The following CIBAR1 variants were observed in gnomAD, a reference collection of about 807,000 sequenced individuals.
The protein encoded by CIBAR1 is CBY1-interacting BAR domain-containing protein 1.
In CIBAR1, 25 loss-of-function variants were observed where a neutral mutation model predicts 44.0. The observed-to-expected ratio is 0.57, with a 90% CI of 0.41 to 0.79. CIBAR1 has a LOEUF of 0.79. CIBAR1 is among the 30% of genes least tolerant of loss of function. The pLI, the probability that CIBAR1 is intolerant of heterozygous loss-of-function variation, is 0.00. For synonymous variants in CIBAR1, 115 were observed against 119.0 expected, an observed-to-expected ratio of 0.97 and a Z score of 0.22; for missense variants, 278 against 344.8, an observed-to-expected ratio of 0.81 and a Z score of 1.53.
rs1053606268 is a variant in CIBAR1 at position 93,729,760 on chromosome 8, C to T, written c.*1463C>T. 3 of 152,066 alleles carry T rather than the reference C, an allele frequency of 2.0e-5. No homozygotes were observed. The highest frequency in any genetic ancestry group is 6.6e-5 in the Admixed American group (1 of 15,260). The allele number at this position is 152,066 out of a possible 1,614,324, so 9.4% of individuals were successfully genotyped here. ...ACTATTATACAGGTAACTATGTAAC[C>T]ATGTAAGACTTAAGTACACTTAAAA... On this transcript the variant is annotated 3_prime_UTR_variant, in exon 9 of 9. Transcript: ENST00000518322.
chr8:93,714,912 G>A (rs181004303), intron 6 of CIBAR1, among the ~76,000 whole-genome samples: 2 of 152,312 alleles, frequency 1.3e-5, no homozygotes, highest in Admixed American at 1.3e-4. Flanking sequence ...AATTTGGGGA[G>A]AAACGGAACA....
chr8:93,704,948 G>C lies in CIBAR1; in HGVS notation c.370G>C (p.Ala124Pro), dbSNP rs1428539424. 1.2e-6 allele frequency: 2 copies of C among 1,611,282 alleles called. No individual in the cohort carries two copies. Among genetic ancestry groups the C allele is most frequent in the Non-Finnish European group, 1.7e-6 (2 of 1,178,868 alleles). ...KATLTARNRE[A>P]KQLTQLERTR... ...AACACTCACAGCAAGGAATCGAGAA[G>C]CTAAGCAATTAACTCAGTTAGAAAG... The change falls in exon 4 of 9, where the codon GCT (alanine) becomes CCT (proline). Residue 124 changes from alanine (A) to proline (P), a missense_variant. Physicochemically the swap from Ala to Pro is conservative, Grantham distance 27 (BLOSUM62 -1). Around this residue, in one of 3 missense-constraint regions of CIBAR1, gnomAD observed 183 missense variants for 218.6 expected, o/e 0.84. Coordinates refer to ENST00000518322, the MANE Select transcript of CIBAR1 (RefSeq NM_145269.5).
Position 93,704,894 on chromosome 8 carries a change from A to T in CIBAR1, c.331-15A>T, listed in dbSNP as rs369781450. ...AGTCAGACATTTTTACTAACAAAAAAATGCCAATTTGCAGGATGACCTCAA... is the reference window on the plus strand; with the variant it reads ...AGTCAGACATTTTTACTAACAAAAATATGCCAATTTGCAGGATGACCTCAA... On this transcript the variant is annotated splice_polypyrimidine_tract_variant and intron_variant, in intron 3 of 8. Coordinates refer to ENST00000518322, the MANE Select transcript of CIBAR1 (RefSeq NM_145269.5). The T allele has an allele frequency of 9.5e-5, 146 of 1,536,900 alleles. No individual in the cohort carries two copies. The highest frequency in any genetic ancestry group is 1.2e-4 in the Non-Finnish European group (140 of 1,138,162).
At chr8:93,706,409 G>T (rs1272321398) in intron 4 of CIBAR1, among the ~76,000 whole-genome samples, 1 of 150,074 alleles carries the variant, frequency 6.7e-6, no homozygotes, top group East Asian at 1.9e-4. Context: ...AGGCTATGGG[G>T]CAGGGTGGGT....
rs1811693930 is a variant in CIBAR1, at chr8:93,729,313, G to A, written c.*1016G>A. 6.6e-6 allele frequency: 1 copy of A among 152,070 alleles called. No homozygotes were observed. The highest frequency in any genetic ancestry group is 1.5e-5 in the Non-Finnish European group (1 of 67,968). 9.4% of individuals were successfully genotyped at this position (152,070 alleles called of 1,614,324 possible). Reference sequence around the variant, plus strand: ...CTCCTTCCTGAGAATAGTCCTAAGTGACAAAGTTGTTTCAGTACTTTTTTG... The same window carrying A: ...CTCCTTCCTGAGAATAGTCCTAAGTAACAAAGTTGTTTCAGTACTTTTTTG... On this transcript the variant is annotated 3_prime_UTR_variant, in exon 9 of 9. Coordinates refer to ENST00000518322, the MANE Select transcript of CIBAR1 (RefSeq NM_145269.5).
intron 8 of CIBAR1, 194 bp downstream of exon 8, chr8:93,726,707 A>T (rs979442523): frequency 5.1e-6 from 3 of 588,792 alleles, no homozygotes; most frequent in African/African-American, 1.9e-5. Context: ...TTATACTGTA[A>T]TTACATATTA....
At chr8:93,719,115 C>T (rs1035656526) in intron 7 of CIBAR1, among the ~76,000 whole-genome samples, 7 of 152,108 alleles carry the variant, frequency 4.6e-5, no homozygotes, top group Non-Finnish European at 8.8e-5. Flanking sequence ...ACGCCCACCT[C>T]GGCCTCCCAA....
intron 1 of CIBAR1, 82 bp from the exon 2 acceptor site, chr8:93,701,142 G>C: frequency 2.0e-6 from 3 of 1,528,368 alleles, no homozygotes; most frequent in Non-Finnish European, 2.6e-6. Flanking sequence ...GAATGCCCGG[G>C]GAATGTTTGC....
chr8:93,719,543 G>A (rs1468723968), intron 7 of CIBAR1: 3 of 152,214 alleles, frequency 2.0e-5, no homozygotes, highest in South Asian at 2.1e-4. Flanking sequence ...AGCAGGCTTA[G>A]AGGATTTAAA....
At chr8:93,705,947 CAA>C (rs571562521) in intron 4 of CIBAR1, 11 of 137,014 alleles carry the variant, frequency 8.0e-5, no homozygotes, top group Admixed American at 7.4e-5. Context: ...GAGACTATCT[CAA>C]AAAAAAAAAA....
intron 6 of CIBAR1, among the ~76,000 whole-genome samples, chr8:93,716,515 G>A (rs972348617): frequency 1.3e-5 from 2 of 151,934 alleles, no homozygotes; most frequent in Non-Finnish European, 2.9e-5. Context: ...CTATATTTCT[G>A]TTGGATGTTG....
Position 93,726,426 on chromosome 8 carries a change from T to C in CIBAR1, c.690T>C (p.Tyr230=), listed in dbSNP as rs776017881. 3.0e-5 allele frequency: 49 copies of C among 1,613,346 alleles called. No individual in the cohort carries two copies. Among genetic ancestry groups the C allele is most frequent in the Non-Finnish European group, 4.1e-5 (48 of 1,179,480 alleles). The change falls in exon 8 of 9, where the codon TAT becomes TAC. Residue 230 remains tyrosine, a synonymous_variant. Coordinates refer to ENST00000518322, the MANE Select transcript of CIBAR1 (RefSeq NM_145269.5). ...VFRNSLYAPD[Y]SSRLDIVRAN... ...GAAATTCTCTGTATGCACCAGATTA[T>C]TCATCTCGTTTAGATATTGTAAGAG...
chr8:93,708,040 A>G (rs1168117360), intron 5 of CIBAR1, 24 bp downstream of exon 5: 1 of 1,550,510 alleles, frequency 6.4e-7, no homozygotes, highest in East Asian at 2.3e-5. Flanking sequence ...TGGTGTGTCA[A>G]GAAATGGATC....
chr8:93,701,041 A>G (rs2130262716), intron 1 of CIBAR1, 183 bp from the exon 2 acceptor site: 1 of 1,448,172 alleles, frequency 6.9e-7, no homozygotes, highest in Non-Finnish European at 9.1e-7. Flanking sequence ...CTGTGCCTAC[A>G]CAGTCCGGAT....
At chr8:93,709,906 T>G in intron 6 of CIBAR1, 31 bp downstream of exon 6, 1 of 1,504,320 alleles carries the variant, frequency 6.6e-7, no homozygotes, top group Non-Finnish European at 9.1e-7. Context: ...GTTCAAAACA[T>G]GTTTTTAACC....
chr8:93,727,469 T>C (rs1811572449), intron 8 of CIBAR1, among the ~76,000 whole-genome samples: 1 of 152,346 alleles, frequency 6.6e-6, no homozygotes, highest in Non-Finnish European at 1.5e-5. Flanking sequence ...TCAGAATGCA[T>C]TATCCCAGGG....
In CIBAR1 at chr8:93,718,670, T is replaced by C; in HGVS notation, c.544-5T>C. On this transcript the variant is annotated splice_polypyrimidine_tract_variant and splice_region_variant and intron_variant, in intron 6 of 8. Coordinates refer to ENST00000518322, the MANE Select transcript of CIBAR1 (RefSeq NM_145269.5). ...GTTTAAATTCAATTCTTTGGTTTTT[T>C]TTAGACTATATTTTCTGAATTTATC... is the stretch of plus-strand genomic sequence containing the variant. 1.3e-6 allele frequency: 2 copies of C among 1,499,126 alleles called. No homozygotes were observed. The highest frequency in any genetic ancestry group is 1.8e-6 in the Non-Finnish European group (2 of 1,109,564). 92.9% of individuals were successfully genotyped at this position (1,499,126 alleles called of 1,614,324 possible). A position where few individuals can be genotyped will look rare whatever the true frequency, so the allele number is the denominator to read the frequency against.
intron 6 of CIBAR1, among the ~76,000 whole-genome samples, chr8:93,718,037 C>CA (rs1240502077): frequency 2.0e-5 from 3 of 152,048 alleles, no homozygotes; most frequent in Non-Finnish European, 2.9e-5. Flanking sequence ...TGGGCAATAG[C>CA]AAAAAAACCT....
At chr8:93,716,032 A>G (rs1009609120) in intron 6 of CIBAR1, 6 of 152,108 alleles carry the variant, frequency 3.9e-5, no homozygotes, top group Non-Finnish European at 5.9e-5. Flanking sequence ...CACAGGTACA[A>G]TGGTGAGTTT....
Sources: gnomAD v4.1 joint callset for allele counts (sites outside exome capture counted in the v4.1 genomes callset) on GRCh38, gnomAD v4.1.1 for gene constraint, gnomAD v4.1.1 regional missense constraint, MANE v1.5 for transcripts, NCBI Gene and HGNC (gene_info 2026-07-23, HGNC 2026-07-21) for gene names.